The following FAT2 variants were observed in gnomAD, a reference collection of about 807,000 sequenced individuals.
FAT2 encodes FAT atypical cadherin 2, also known as protocadherin Fat 2.
FAT2 carries 150 observed loss-of-function variants against 295.3 expected under a neutral mutation model. The observed-to-expected ratio is 0.51, with a 90% CI of 0.44 to 0.58. The LOEUF (loss-of-function observed/expected upper bound fraction) is 0.58. Ranked by LOEUF, FAT2 falls within the 20% of genes least tolerant of loss-of-function variation. The pLI is 0.00. For missense variants in FAT2, 4,868 were observed against 5,442.7 expected, an observed-to-expected ratio of 0.89 and a Z score of 3.32; for synonymous variants, 2,026 against 2,150.3, an observed-to-expected ratio of 0.94 and a Z score of 1.60.
At chr5:151,517,797 T>A in intron 19 of FAT2, 32 bp from the exon 20 acceptor site, 2 of 1,612,518 alleles carry the variant, frequency 1.2e-6, no homozygotes, top group Non-Finnish European at 1.7e-6. Flanking sequence ...TCACCTCTAC[T>A]TGAAGTGGTC....
chr5:151,506,082 G>C lies in FAT2; in HGVS notation c.12533C>G (p.Ala4178Gly). Residue 4178 changes from alanine (A) to glycine (G), a missense_variant, in exon 24 of 24, where the codon GCC (alanine) becomes GGC (glycine). By Grantham distance (60) the Ala-to-Gly change is moderately conservative. This residue lies in a region of FAT2 where 492 missense variants were observed against 482.6 expected (regional missense o/e 1.02). Transcript: ENST00000261800. Reference sequence around the variant, plus strand: ...GGAGTAAGTAGGGGGCCAGACCATGGCTCCGCCAGGGTACACTGAAAGGGA... The same window carrying C: ...GGAGTAAGTAGGGGGCCAGACCATGCCTCCGCCAGGGTACACTGAAAGGGA... ...SSEEMVYPGG[A>G]MVWPPTYSRN... 1 of 1,523,274 alleles carries C rather than the reference G, an allele frequency of 6.6e-7. No individual in the cohort carries two copies. 94.4% of individuals were successfully genotyped at this position (1,523,274 alleles called of 1,614,324 possible). A position where few individuals can be genotyped will look rare whatever the true frequency, so the allele number is the denominator to read the frequency against.
intron 19 of FAT2, among the ~76,000 whole-genome samples, chr5:151,519,005 G>C (rs1297035150): frequency 6.6e-6 from 1 of 152,162 alleles, no homozygotes; most frequent in East Asian, 1.9e-4. Flanking sequence ...GCCAAAAGGA[G>C]GAGAAGAAAG....
At chr5:151,561,181 C>T (rs747202664) in intron 3 of FAT2, among the ~76,000 whole-genome samples, 1 of 152,152 alleles carries the variant, frequency 6.6e-6, no homozygotes, top group East Asian at 1.9e-4. Context: ...GAAAGAAGAG[C>T]GGGAATTGAC....
Position 151,531,542 on chromosome 5 carries a change from A to G in FAT2, c.9811+45T>C. 6.2e-7 allele frequency: 1 copy of G among 1,606,938 alleles called. No homozygotes were observed. Among genetic ancestry groups the G allele is most frequent in the Non-Finnish European group, 8.5e-7 (1 of 1,176,848 alleles). On this transcript the variant is annotated intron_variant, in intron 14 of 23. Coordinates refer to ENST00000261800, the MANE Select transcript of FAT2 (RefSeq NM_001447.3). The surrounding 1 kb of genome is among the most constrained non-coding windows in gnomAD (Gnocchi z 5.7). ...AGGGGAGGAACCCAGCGCTCCCAGA[A>G]ACCCTGTACGCGATGCTTTGGGGCT...
chr5:151,565,647 A>AGGCC, intron 2 of FAT2, 26 bp downstream of exon 2: 45 of 1,460,976 alleles, frequency 3.1e-5, no homozygotes, highest in Middle Eastern at 2.0e-4. Context: ...TGGCCCTGGC[A>AGGCC]CCCCACCCTA....
Position 151,556,348 on chromosome 5 carries a change from AG to A in FAT2, c.3628del (p.Leu1210TrpfsTer3). The A allele has an allele frequency of 6.2e-7, 1 of 1,613,696 alleles. No individual in the cohort carries two copies. The highest frequency in any genetic ancestry group is 2.2e-5 in the East Asian group (1 of 44,886). On this transcript the variant is annotated frameshift_variant, in exon 4 of 24. Transcript: ENST00000261800. LOFTEE classifies it high-confidence loss of function. Reference sequence around the variant, plus strand: ...GGATTCACCACCATTACTTACCTCCAGGATGTGTTCATCCTTGTTCTCTCTG... The same window carrying A: ...GGATTCACCACCATTACTTACCTCCAGATGTGTTCATCCTTGTTCTCTCTG... ...LDRENKDEHI[L>X]EVTVLDNGEP...
intron 3 of FAT2, among the ~76,000 whole-genome samples, chr5:151,557,926 C>T (rs561675801): frequency 7.4e-4 from 112 of 152,292 alleles, no homozygotes; most frequent in African/African-American, 2.6e-3. Flanking sequence ...CAACCCCCAG[C>T]TCCAGCCTCA....
Position 151,568,073 on chromosome 5 carries a change from C to T in FAT2, c.859G>A (p.Glu287Lys). The T allele has an allele frequency of 6.2e-7, 1 of 1,614,188 alleles. No individual in the cohort carries two copies. Among genetic ancestry groups the T allele is most frequent in the African/African-American group, 1.3e-5 (1 of 75,032 alleles). Residue 287 changes from glutamate (E) to lysine (K), a missense_variant, in exon 2 of 24, where the codon GAG becomes AAG. Coordinates refer to ENST00000261800, the MANE Select transcript of FAT2 (RefSeq NM_001447.3). ...VDANSSGAEV[E>K]SVEVVGGDPG... ...TCACCACCAACAACTTCCACTGACT[C>T]CACTTCAGCTCCTGAGCTATTTGCA...
chr5:151,574,090 C>T (rs991057418), intron 1 of FAT2, among the ~76,000 whole-genome samples: 10 of 152,108 alleles, frequency 6.6e-5, no homozygotes, highest in Non-Finnish European at 1.3e-4. Flanking sequence ...CCAATGGCAG[C>T]GAAGGGATTT....
chr5:151,567,670 A>G lies in FAT2; in HGVS notation c.1262T>C (p.Met421Thr), dbSNP rs757791988. ...RTGLITTTKL[M>T]DFHDRAHYQL... is the part of the protein sequence containing the mutation. ...ATAGTGGGCTCTGTCGTGGAAGTCC[A>G]TGAGCTTTGTGGTGGTGATCAACCC... The change falls in exon 2 of 24, where the codon ATG becomes ACG. Residue 421 changes from methionine (M) to threonine (T), a missense_variant. Around this residue, in one of 5 missense-constraint regions of FAT2, gnomAD observed 3,297 missense variants for 3,669.4 expected, o/e 0.90. Transcript: ENST00000261800. 9 of 1,614,186 alleles carry G rather than the reference A, an allele frequency of 5.6e-6. No individual in the cohort carries two copies. The highest frequency in any genetic ancestry group is 1.1e-5 in the South Asian group (1 of 91,086).
At chr5:151,506,747 C>T (rs1004367805) in intron 23 of FAT2, among the ~76,000 whole-genome samples, 1 of 152,252 alleles carries the variant, frequency 6.6e-6, no homozygotes, top group Non-Finnish European at 1.5e-5. Context: ...GATATTCCCC[C>T]TCTAGGTCAG....
At chr5:151,540,528 T>C (rs2127602009) in intron 11 of FAT2, 39 bp downstream of exon 11, 1 of 1,573,610 alleles carries the variant, frequency 6.4e-7, no homozygotes, top group Non-Finnish European at 8.7e-7. Flanking sequence ...TTATCTTCCT[T>C]GCCTTCACTA....
rs756688058 is a variant in FAT2 at position 151,549,501 on chromosome 5, C to T, written c.4583G>A (p.Arg1528Gln). 21 of 1,614,064 alleles carry T rather than the reference C, an allele frequency of 1.3e-5. No individual in the cohort carries two copies. The highest frequency in any genetic ancestry group is 1.7e-4 in the Middle Eastern group (1 of 6,046). The change falls in exon 9 of 24, where the codon CGA becomes CAA. Residue 1528 changes from arginine to glutamine, a missense_variant. Physicochemically the swap from Arg to Gln is conservative, Grantham distance 43. This residue lies in a region of FAT2 where 3,297 missense variants were observed against 3,669.4 expected (regional missense o/e 0.90). Transcript: ENST00000261800. ...PSQHTLTVMV[R>Q]DQEIPIKRNF... Reference sequence around the variant, plus strand: ...CCTCTTGATAGGTATTTCCTGGTCTCGGACCTATGGGCCCAAAGGGGGTAA... The same window carrying T: ...CCTCTTGATAGGTATTTCCTGGTCTTGGACCTATGGGCCCAAAGGGGGTAA...
rs749346432 is a variant in FAT2 at position 151,545,030 on chromosome 5, G to T, written c.6097C>A (p.Gln2033Lys). The T allele has an allele frequency of 6.2e-7, 1 of 1,614,168 alleles. No individual in the cohort carries two copies. The highest frequency in any genetic ancestry group is 8.5e-7 in the Non-Finnish European group (1 of 1,180,024). The change falls in exon 10 of 24, where the codon CAG becomes AAG. Residue 2033 changes from glutamine to lysine, a missense_variant. Gln to Lys is a moderately conservative substitution (Grantham distance 53, BLOSUM62 1). Around this residue, in one of 5 missense-constraint regions of FAT2, gnomAD observed 3,297 missense variants for 3,669.4 expected, o/e 0.90. Coordinates refer to ENST00000261800, the MANE Select transcript of FAT2 (RefSeq NM_001447.3). ...TRGVAFDREQ[Q>K]DTHELAVEVR... ...TCCACTGCCAACTCATGAGTGTCCT[G>T]CTGCTCCCGGTCAAACGCCACACCT...
In FAT2 at chr5:151,505,725, C is replaced by G. The variant is rs1227803494; in HGVS notation, c.12890G>C (p.Gly4297Ala). 1 of 1,613,832 alleles carries G rather than the reference C, an allele frequency of 6.2e-7. No homozygotes were observed. The highest frequency in any genetic ancestry group is 8.5e-7 in the Non-Finnish European group (1 of 1,179,856). Reference protein sequence around the residue: ...GPCLADGGYKGVGMRLSRAGP... With the variant: ...GPCLADGGYKAVGMRLSRAGP... ...AGCTCGGCTGAGGCGCATACCCACC[C>G]CCTTGTAGCCCCCGTCTGCCAGGCA... The change falls in exon 24 of 24, where the codon GGG (glycine) becomes GCG (alanine). Residue 4297 changes from glycine to alanine, a missense_variant. Physicochemically the swap from Gly to Ala is moderately conservative, Grantham distance 60 (BLOSUM62 0). Around this residue, in one of 5 missense-constraint regions of FAT2, gnomAD observed 492 missense variants for 482.6 expected, o/e 1.02. Coordinates refer to ENST00000261800, the MANE Select transcript of FAT2 (RefSeq NM_001447.3).
chr5:151,529,388 G>C lies in FAT2; in HGVS notation c.9816C>G (p.Ile3272Met). 6.2e-7 allele frequency: 1 copy of C among 1,613,586 alleles called. No homozygotes were observed. The change falls in exon 15 of 24, where the codon ATC becomes ATG. Residue 3272 changes from isoleucine to methionine, a missense_variant. This residue lies in a region of FAT2 where 1,046 missense variants were observed against 1,210.1 expected (regional missense o/e 0.86). Transcript: ENST00000261800. ...GRFRLDARTG[I>M]LYVNASLDFE... The stretch of plus-strand genomic sequence containing the variant: ...AGTCCAGGCTTGCGTTGACATACAG[G>C]ATCCCTGAAGAAGCAAGAGGTGACA...
intron 18 of FAT2, among the ~76,000 whole-genome samples, chr5:151,523,790 G>A (rs1265429832): frequency 6.6e-6 from 1 of 152,120 alleles, no homozygotes; most frequent in Non-Finnish European, 1.5e-5. Context: ...CTGCTTGGAT[G>A]TCTCACAAAC....
intron 6 of FAT2, 75 bp downstream of exon 6, chr5:151,553,102 T>A (rs1433266817): frequency 1.4e-5 from 21 of 1,455,004 alleles, no homozygotes; most frequent in Non-Finnish European, 1.9e-5. Context: ...TCAGAAGGAC[T>A]GTAGCAGGAA....
chr5:151,588,204 A>T (rs186573577), intron 1 of FAT2, among the ~76,000 whole-genome samples: 162 of 152,216 alleles, frequency 1.1e-3, no homozygotes, highest in African/African-American at 3.8e-3. Flanking sequence ...TGTCCCCTGG[A>T]GGGCAGCTTA....
Sources: allele counts gnomAD v4.1 joint callset (sites outside exome capture counted in the v4.1 genomes callset), GRCh38; gene constraint gnomAD v4.1.1; regional missense constraint gnomAD v4.1.1; non-coding constraint Gnocchi (gnomAD v3.1); transcripts MANE v1.5; gene names NCBI Gene and HGNC (gene_info 2026-07-23, HGNC 2026-07-21).